Variants in NBEA observed in about 807,000 individuals in gnomAD.
NBEA encodes lysosomal-trafficking regulator 2.
NBEA carries 44 observed loss-of-function variants against 343.4 expected under a neutral mutation model. The observed-to-expected ratio is 0.13, with a 90% confidence interval of 0.10 to 0.16. The LOEUF is 0.16. NBEA is among the 10% of genes least tolerant of loss of function. The pLI is 1.00. For missense variants in NBEA, 2,555 were observed against 3,631.3 expected, an observed-to-expected ratio of 0.70 and a Z score of 7.62; for synonymous variants, 1,175 against 1,238.7, an observed-to-expected ratio of 0.95 and a Z score of 1.08.
chr13:35,381,082 G>C (rs1479644574), intron 38 of NBEA, among the ~76,000 whole-genome samples: 1 of 151,950 alleles, frequency 6.6e-6, no homozygotes, highest in Non-Finnish European at 1.5e-5. Context: ...ATTGAATGTG[G>C]TTATAATATT....
At chr13:34,963,192 A>C (rs887327048) in intron 1 of NBEA, among the ~76,000 whole-genome samples, 1 of 151,984 alleles carries the variant, frequency 6.6e-6, no homozygotes, top group African/African-American at 2.4e-5. Flanking sequence ...GGTGGCTTAA[A>C]AAATTGTAAT....
intron 1 of NBEA, among the ~76,000 whole-genome samples, chr13:34,951,946 G>A (rs905533588): frequency 3.9e-5 from 6 of 152,190 alleles, no homozygotes; most frequent in African/African-American, 1.4e-4. Flanking sequence ...TAGTTTAATA[G>A]CTCTTAACTA....
chr13:35,516,080 T>TTA (rs2077476310), intron 41 of NBEA, among the ~76,000 whole-genome samples: 1 of 152,182 alleles, frequency 6.6e-6, no homozygotes, highest in Non-Finnish European at 1.5e-5. Context: ...AAACTTTAAA[T>TTA]TATATATATG....
At chr13:35,610,984 C>G (rs936943752) in intron 48 of NBEA, among the ~76,000 whole-genome samples, 10 of 150,432 alleles carry the variant, frequency 6.6e-5, no homozygotes, top group African/African-American at 2.4e-4. Flanking sequence ...TAAAATTAAT[C>G]AAATTGAAAC....
At chr13:34,953,164 G>T (rs1302622753) in intron 1 of NBEA, among the ~76,000 whole-genome samples, 3 of 152,124 alleles carry the variant, frequency 2.0e-5, no homozygotes, top group African/African-American at 7.2e-5. Flanking sequence ...AATATTCAGT[G>T]AAATAAAGTA....
At chr13:35,615,579 A>G (rs1367732954) in intron 48 of NBEA, among the ~76,000 whole-genome samples, 1 of 152,098 alleles carries the variant, frequency 6.6e-6, no homozygotes, top group Non-Finnish European at 1.5e-5. Flanking sequence ...TCCTGACCTC[A>G]GGTGATCCGC....
chr13:35,332,533 A>G (rs897733078), intron 36 of NBEA, among the ~76,000 whole-genome samples: 2 of 152,268 alleles, frequency 1.3e-5, no homozygotes, highest in Non-Finnish European at 2.9e-5. Context: ...GATAACACCA[A>G]TGGAAAAGTG....
intron 55 of NBEA, 32 bp from the exon 56 acceptor site, chr13:35,665,053 T>G: frequency 6.9e-7 from 1 of 1,450,044 alleles, no homozygotes; most frequent in South Asian, 1.2e-5. Flanking sequence ...GCTATTGGTC[T>G]GTAGTGCCTC....
chr13:35,575,858 T>C (rs1452748759), intron 45 of NBEA, among the ~76,000 whole-genome samples: 1 of 152,164 alleles, frequency 6.6e-6, no homozygotes, highest in African/African-American at 2.4e-5. Context: ...AAGGTTAGAA[T>C]AGCTCCCAGC....
At chr13:35,329,413 G>A (rs118083781) in intron 36 of NBEA, among the ~76,000 whole-genome samples, 4,578 of 151,954 alleles carry the variant, frequency 0.03, 102 homozygotes, top group Non-Finnish European at 0.045. Flanking sequence ...AGTTTTATTC[G>A]TAATAGCCAA....
At chr13:35,060,354 C>T (rs2063420972) in intron 8 of NBEA, among the ~76,000 whole-genome samples, 1 of 151,782 alleles carries the variant, frequency 6.6e-6, no homozygotes, top group Admixed American at 6.6e-5. Context: ...GCTTTGCAAA[C>T]TCTGTAATTT....
At chr13:35,666,340 C>T (rs2085352032) in intron 56 of NBEA, among the ~76,000 whole-genome samples, 1 of 147,954 alleles carries the variant, frequency 6.8e-6, no homozygotes, top group South Asian at 2.1e-4. Context: ...GAAATGGACA[C>T]ATAGGATATT....
chr13:35,316,643 CA>C (rs1365307028), intron 36 of NBEA, among the ~76,000 whole-genome samples: 1 of 152,152 alleles, frequency 6.6e-6, no homozygotes, highest in Non-Finnish European at 1.5e-5. Flanking sequence ...ATTGCTGGGT[CA>C]AATGGTATTT....
chr13:35,110,426 T>C (rs1196851235), intron 12 of NBEA, among the ~76,000 whole-genome samples: 11 of 152,162 alleles, frequency 7.2e-5, no homozygotes, highest in Admixed American at 7.2e-4. Flanking sequence ...AGATATGCTT[T>C]AGCTGACTGA....
At chr13:35,110,332 C>A (rs879515222) in intron 12 of NBEA, among the ~76,000 whole-genome samples, 10 of 151,724 alleles carry the variant, frequency 6.6e-5, no homozygotes, top group East Asian at 5.8e-4. Context: ...ATTGTGAAAG[C>A]GAACTATATG....
At chr13:35,293,184 G>A (rs2035906033) in intron 35 of NBEA, among the ~76,000 whole-genome samples, 1 of 151,880 alleles carries the variant, frequency 6.6e-6, no homozygotes, top group Non-Finnish European at 1.5e-5. Flanking sequence ...TACTTGTCAA[G>A]GATAATTCAG....
At position 35,628,109 on chromosome 13, in the gene NBEA, A is replaced by G. The variant is rs1245410373; in HGVS notation, c.7478A>G (p.Gln2493Arg). Reference sequence around the variant, plus strand: ...CTAGAAAGTGAATTTGTTTCTTGCCAACTTCATCAGTGGATCGACCTTATA... The same window carrying G: ...CTAGAAAGTGAATTTGTTTCTTGCCGACTTCATCAGTGGATCGACCTTATA... ...MALESEFVSC[Q>R]LHQWIDLIFG... Residue 2493 changes from glutamine to arginine, a missense_variant, in exon 49 of 59, where the codon CAA becomes CGA. Physicochemically the swap from Gln to Arg is conservative, Grantham distance 43 (BLOSUM62 1). Around this residue, in one of 21 missense-constraint regions of NBEA, gnomAD observed 11 missense variants for 33.2 expected, o/e 0.33. Transcript: ENST00000379939. The G allele has an allele frequency of 6.2e-7, 1 of 1,612,510 alleles. No individual in the cohort carries two copies. Among genetic ancestry groups the G allele is most frequent in the East Asian group, 2.2e-5 (1 of 44,792 alleles).
chr13:35,421,178 T>A (rs2044248913), intron 38 of NBEA, among the ~76,000 whole-genome samples: 1 of 152,032 alleles, frequency 6.6e-6, no homozygotes. Context: ...TTGATATTTT[T>A]TATTGTGATT....
intron 27 of NBEA, among the ~76,000 whole-genome samples, chr13:35,175,008 G>A (rs1378607158): frequency 1.3e-5 from 2 of 151,864 alleles, no homozygotes; most frequent in Non-Finnish European, 2.9e-5. Context: ...GGCCAGGATG[G>A]TCTAGATCTC....
Sources: allele counts gnomAD v4.1 joint callset (sites outside exome capture counted in the v4.1 genomes callset), GRCh38; gene constraint gnomAD v4.1.1; regional missense constraint gnomAD v4.1.1; transcripts MANE v1.5; gene names NCBI Gene and HGNC (gene_info 2026-07-23, HGNC 2026-07-21).